The following FCHO1 variants were observed in gnomAD, a reference collection of about 807,000 sequenced individuals.
FCHO1 encodes the protein F-BAR domain only protein 1.
FCHO1 carries 45 observed loss-of-function variants against 114.4 expected under a neutral mutation model. The observed-to-expected ratio is 0.39, with a 90% CI of 0.31 to 0.50. FCHO1 has a LOEUF of 0.50. Among genes scored for constraint, FCHO1 ranks in the 20% least tolerant of loss-of-function variants. FCHO1 has a pLI of 0.77. For missense variants in FCHO1, 1,042 were observed against 1,209.6 expected (o/e 0.86, Z 2.06); for synonymous variants, 480 against 488.9 (o/e 0.98, Z 0.24).
chr19:17,771,251 C>T (rs1349117269), intron 9 of FCHO1, among the ~76,000 whole-genome samples: 1 of 146,990 alleles, frequency 6.8e-6, no homozygotes, highest in Non-Finnish European at 1.5e-5. Flanking sequence ...AACCCTGTCT[C>T]GAAAAAATAA....
At position 17,755,776 on chromosome 19, in the gene FCHO1, A is replaced by G. The variant is rs2083275358; in HGVS notation, c.27+585A>G. Among the ~76,000 whole-genome samples, 3 of 152,142 alleles carry G rather than the reference A, an allele frequency of 2.0e-5. No homozygotes were observed. The South Asian group carries it at 6.2e-4, about 32-fold the overall frequency. On this transcript the variant is annotated intron_variant, in intron 4 of 28. Transcript: ENST00000596536. ...AGAATCCATCCCAGCCCCAGCCCCA[A>G]GGGAGGAGTCCCCAGTCTGGGGGAC...
At chr19:17,788,171 C>T (rs1599828159) in intron 28 of FCHO1, 113 bp from the exon 29 acceptor site, 1 of 727,504 alleles carries the variant, frequency 1.4e-6, no homozygotes, top group East Asian at 3.5e-5. Context: ...CTATGAGTTA[C>T]AGGGGTGTTT....
intron 1 of FCHO1, among the ~76,000 whole-genome samples, chr19:17,753,265 A>G (rs959110763): frequency 6.6e-6 from 1 of 152,178 alleles, no homozygotes; most frequent in Non-Finnish European, 1.5e-5. Flanking sequence ...TACCCCTGCC[A>G]CCAAACTAGG....
Position 17,781,355 on chromosome 19 carries a change from G to A in FCHO1, c.1740+12G>A, listed in dbSNP as rs375021647. The A allele has an allele frequency of 2.0e-5, 32 of 1,611,692 alleles. No individual in the cohort carries two copies. The highest frequency in any genetic ancestry group is 4.0e-5 in the African/African-American group (3 of 74,878). The stretch of plus-strand genomic sequence containing the variant: ...GCAATGGGGACCTGGTAGGTGAGGG[G>A]GCGTGGCAGGAGCTGGACTGGGGGT... On this transcript the variant is annotated intron_variant, in intron 21 of 28. Transcript: ENST00000596536.
At chr19:17,777,224 A>G (rs2092739200) in intron 18 of FCHO1, among the ~76,000 whole-genome samples, 1 of 151,984 alleles carries the variant, frequency 6.6e-6, no homozygotes, top group Admixed American at 6.6e-5. Flanking sequence ...GTCACATTCT[A>G]GTGACTCCAG....
rs767365658 is a variant in FCHO1, at chr19:17,772,458, G to A, written c.596G>A (p.Arg199His). The A allele has an allele frequency of 2.8e-5, 45 of 1,613,578 alleles. No homozygotes were observed. Among genetic ancestry groups the A allele is most frequent in the Middle Eastern group, 1.7e-4 (1 of 6,030 alleles). The change falls in exon 10 of 29, where the codon CGC becomes CAC. Residue 199 changes from arginine to histidine, a missense_variant and splice_region_variant. By Grantham distance (29) the Arg-to-His change is conservative. Coordinates refer to ENST00000596536, the MANE Select transcript of FCHO1 (RefSeq NM_015122.3). ...FEQKMLDSALRFQAMEETHLR... is the reference protein window; with the variant it reads ...FEQKMLDSALHFQAMEETHLR... ...CCTGCCTCTGCCCTCCTGCTTCAGC[G>A]CTTCCAAGCCATGGAGGAGACACAC...
In FCHO1 at chr19:17,779,717, G is replaced by A. The variant is rs568214772; in HGVS notation, c.1627+833G>A. ...GAGGGAGGAGGATGGGGAAGGGGCGGAGACAAGGGAGGGAGGAGGATGGGG... is the reference window on the plus strand; with the variant it reads ...GAGGGAGGAGGATGGGGAAGGGGCGAAGACAAGGGAGGGAGGAGGATGGGG... On this transcript the variant is annotated intron_variant, in intron 20 of 28. Coordinates refer to ENST00000596536, the MANE Select transcript of FCHO1 (RefSeq NM_015122.3). Among the ~76,000 whole-genome samples, 375 of 114,700 alleles carry A rather than the reference G, an allele frequency of 3.3e-3. 2 individuals carry two copies. Among genetic ancestry groups the A allele is most frequent in the Non-Finnish European group, 6.1e-3 (318 of 52,204 alleles). The allele number at this position is 114,700 out of a possible 152,430, so 75.2% of individuals were successfully genotyped here.
At chr19:17,774,890 AC>A (rs2092394187) in intron 13 of FCHO1, 165 bp from the exon 14 acceptor site, 1 of 689,996 alleles carries the variant, frequency 1.4e-6, no homozygotes, top group Admixed American at 2.7e-5. Context: ...TTCAGATTCA[AC>A]CCCCTCCCCA....
intron 5 of FCHO1, among the ~76,000 whole-genome samples, chr19:17,763,388 C>T (rs1186885435): frequency 6.6e-6 from 1 of 151,342 alleles, no homozygotes; most frequent in African/African-American, 2.4e-5. Context: ...CTCAGCCTCC[C>T]AAGTAGCTGA....
chr19:17,781,234 T>A lies in FCHO1; in HGVS notation c.1631T>A (p.Leu544Gln), dbSNP rs1385624040. Residue 544 changes from leucine to glutamine, a missense_variant, in exon 21 of 29, where the codon CTG becomes CAG. By Grantham distance (113) the Leu-to-Gln change is moderately radical. This residue lies in a region of FCHO1 where 455 missense variants were observed against 455.4 expected (regional missense o/e 1.00). Coordinates refer to ENST00000596536, the MANE Select transcript of FCHO1 (RefSeq NM_015122.3). Reference protein sequence around the residue: ...WGLEALAGGDLMPAPADPTAR... With the variant: ...WGLEALAGGDQMPAPADPTAR... ...GCCTCTTTGTACTCGCTCCTAGACCTGATGCCTGCACCTGCTGACCCCACA... is the reference window on the plus strand; with the variant it reads ...GCCTCTTTGTACTCGCTCCTAGACCAGATGCCTGCACCTGCTGACCCCACA... 2.5e-6 allele frequency: 4 copies of A among 1,612,344 alleles called. No homozygotes were observed. Among genetic ancestry groups the A allele is most frequent in the Non-Finnish European group, 3.4e-6 (4 of 1,178,858 alleles).
Position 17,770,913 on chromosome 19 carries a change from T to G in FCHO1, c.594+17T>G, listed in dbSNP as rs968870009. ...TCAGCCCTGGTAAGAACCAGGCATCTGTACCTTTAAGACCCACACATGCCT... is the reference window on the plus strand; with the variant it reads ...TCAGCCCTGGTAAGAACCAGGCATCGGTACCTTTAAGACCCACACATGCCT... On this transcript the variant is annotated intron_variant, in intron 9 of 28. Transcript: ENST00000596536. 1.9e-6 allele frequency: 3 copies of G among 1,607,442 alleles called. No homozygotes were observed. Among genetic ancestry groups the G allele is most frequent in the Non-Finnish European group, 2.6e-6 (3 of 1,174,478 alleles).
At chr19:17,762,633 A>AT in intron 4 of FCHO1, 129 bp from the exon 5 acceptor site, 1 of 755,928 alleles carries the variant, frequency 1.3e-6, no homozygotes, top group South Asian at 1.4e-5. Flanking sequence ...CAGCAAGCTG[A>AT]TTCGCTCAGG....
chr19:17,769,300 G>T (rs2090604525), intron 7 of FCHO1, among the ~76,000 whole-genome samples: 1 of 137,330 alleles, frequency 7.3e-6, no homozygotes. Flanking sequence ...AAAAAGGCCT[G>T]GCACGGTGGC....
At chr19:17,749,252 C>CT, upstream of FCHO1, among the ~76,000 whole-genome samples, 1 of 152,276 alleles carries the variant, frequency 6.6e-6, no homozygotes. Flanking sequence ...GGCTGGGAGT[C>CT]TGACACCCCC....
At position 17,781,661 on chromosome 19, in the gene FCHO1, A is replaced by T. The variant is rs532956652; in HGVS notation, c.1829-51A>T. On this transcript the variant is annotated intron_variant, in intron 22 of 28. Transcript: ENST00000596536. ...GGAGGGAGTCTCGAGCCTGGAGCCT[A>T]TATTCACACTGTCTATCCGTTGTTC... 3.2e-6 allele frequency: 5 copies of T among 1,545,746 alleles called. No individual in the cohort carries two copies. The South Asian group carries it at 5.6e-5, about 17-fold the overall frequency.
At chr19:17,787,411 TA>T (rs139752878) in intron 27 of FCHO1, among the ~76,000 whole-genome samples, 1,931 of 103,462 alleles carry the variant, frequency 0.019, 17 homozygotes, top group African/African-American at 0.048. Flanking sequence ...ACCCTGTCTC[TA>T]AAAAAAAAAA....
intron 3 of FCHO1, 46 bp downstream of exon 3, chr19:17,754,727 T>C (rs1769595225): frequency 6.0e-6 from 1 of 166,346 alleles, no homozygotes; most frequent in African/African-American, 2.4e-5. Flanking sequence ...AGTTTTCCCA[T>C]CTGTGAAGTG....
chr19:17,755,484 C>T (rs1170960476), intron 4 of FCHO1: 2 of 285,966 alleles, frequency 7.0e-6, no homozygotes, highest in Non-Finnish European at 1.3e-5. Context: ...AGTCAGTGCT[C>T]AAACCCAGGG....
chr19:17,766,682 C>T lies in FCHO1; in HGVS notation c.208C>T (p.Leu70Phe). 1 of 1,614,184 alleles carries T rather than the reference C, an allele frequency of 6.2e-7. No individual in the cohort carries two copies. The highest frequency in any genetic ancestry group is 2.2e-5 in the East Asian group (1 of 44,888). Reference sequence around the variant, plus strand: ...GCCCGCCCCCAGGACCTTCGCCCCGCTCTGGGAGGTCTTCCGCGTCTCCTC... The same window carrying T: ...GCCCGCCCCCAGGACCTTCGCCCCGTTCTGGGAGGTCTTCCGCGTCTCCTC... ...NGTPMGTFAP[L>F]WEVFRVSSDK... The change falls in exon 7 of 29, where the codon CTC becomes TTC. Residue 70 changes from leucine (L) to phenylalanine (F), a missense_variant. Leu to Phe is a conservative substitution (Grantham distance 22). Transcript: ENST00000596536.
Sources: gnomAD v4.1 joint callset for allele counts (sites outside exome capture counted in the v4.1 genomes callset) on GRCh38, gnomAD v4.1.1 for gene constraint, gnomAD v4.1.1 regional missense constraint, MANE v1.5 for transcripts, NCBI Gene and HGNC (gene_info 2026-07-23, HGNC 2026-07-21) for gene names.